BNC2: variants seen among roughly 807,000 people sequenced by gnomAD.
BNC2 encodes zinc finger protein basonuclin-2.
Under a neutral mutation model 76.3 loss-of-function variants are expected in BNC2, and 20 were observed. The ratio of observed to expected loss-of-function variants is 0.26; its 90% CI spans 0.18 to 0.38. The LOEUF is 0.38. BNC2 is among the 10% of genes least tolerant of loss of function. The pLI is 1.00. For missense variants in BNC2, 1,382 were observed against 1,399.8 expected (o/e 0.99, Z 0.20); for synonymous variants, 582 against 514.8 (o/e 1.13, Z -1.77).
chr9:16,771,781 CTAAATGA>C (rs1322620189), intron 1 of BNC2, among the ~76,000 whole-genome samples: 58 of 152,260 alleles, frequency 3.8e-4, no homozygotes, highest in Non-Finnish European at 7.5e-4. Flanking sequence ...GCATCTTTTG[CTAAATGA>C]CAGATAAACT....
intron 5 of BNC2, among the ~76,000 whole-genome samples, chr9:16,516,949 T>G (rs1235576325): frequency 6.6e-6 from 1 of 152,244 alleles, no homozygotes; most frequent in African/African-American, 2.4e-5. Flanking sequence ...TCAGTTGCAC[T>G]GTGACACAAC....
At chr9:16,459,784 CAACA>C (rs980338733) in intron 5 of BNC2, among the ~76,000 whole-genome samples, 2 of 151,988 alleles carry the variant, frequency 1.3e-5, no homozygotes, top group African/African-American at 2.4e-5. Context: ...TGCACCTTAT[CAACA>C]AATAAAAAGA....
At position 16,539,077 on chromosome 9, in the gene BNC2, C is replaced by T. The variant is rs1587144729; in HGVS notation, c.669+13453G>A. ...TGTGTTTACCACTTATAATATACCA[C>T]TTCCACTAAATTGAAAGCTGTAACA... On this transcript the variant is annotated intron_variant, in intron 5 of 6. Transcript: ENST00000380672. 2.6e-5 allele frequency among the ~76,000 whole-genome samples: 4 copies of T among 152,230 alleles called. No individual in the cohort carries two copies. In the South Asian group the frequency reaches 8.3e-4, roughly 32 times the overall value.
At chr9:16,661,274 A>G (rs569102904) in intron 3 of BNC2, among the ~76,000 whole-genome samples, 1 of 152,302 alleles carries the variant, frequency 6.6e-6, no homozygotes, top group Admixed American at 6.5e-5. Flanking sequence ...AAGTCTTACT[A>G]TAGCTAGTCC....
intron 5 of BNC2, among the ~76,000 whole-genome samples, chr9:16,543,257 T>C (rs1358681398): frequency 3.9e-5 from 6 of 152,166 alleles, no homozygotes; most frequent in Admixed American, 1.3e-4. Flanking sequence ...GAAGGCACCA[T>C]CAAGAAAATA....
intron 1 of BNC2, among the ~76,000 whole-genome samples, chr9:16,825,241 C>T (rs1818426853): frequency 6.6e-6 from 1 of 152,122 alleles, no homozygotes; most frequent in South Asian, 2.1e-4. Context: ...TTATTTTCTA[C>T]TCATCAACCG....
chr9:16,719,507 T>C (rs1312456346), intron 3 of BNC2, among the ~76,000 whole-genome samples: 1 of 152,200 alleles, frequency 6.6e-6, no homozygotes, highest in Non-Finnish European at 1.5e-5. Flanking sequence ...GATCATAAAA[T>C]GTGAGTTCTG....
chr9:16,869,152 T>C (rs188283119), intron 1 of BNC2, among the ~76,000 whole-genome samples: 13 of 152,214 alleles, frequency 8.5e-5, no homozygotes, highest in Admixed American at 3.9e-4. Flanking sequence ...TAAACAGATA[T>C]ATTTAATATT....
intron 1 of BNC2, among the ~76,000 whole-genome samples, chr9:16,852,469 G>A (rs1051185150): frequency 6.6e-6 from 1 of 152,090 alleles, no homozygotes; most frequent in African/African-American, 2.4e-5. Flanking sequence ...ATATTCACAA[G>A]GACAATCATA....
intron 1 of BNC2, among the ~76,000 whole-genome samples, chr9:16,835,011 T>G (rs1818668881): frequency 6.6e-6 from 1 of 152,176 alleles, no homozygotes; most frequent in South Asian, 2.1e-4. Context: ...TTAAGAAAAG[T>G]CTAGTCAGCG....
intron 3 of BNC2, chr9:16,665,116 C>T (rs768241987): frequency 4.4e-6 from 2 of 454,906 alleles, no homozygotes; most frequent in Non-Finnish European, 8.8e-6. Flanking sequence ...CGCCTGTAAT[C>T]CCAGCACTTT....
At chr9:16,536,495 A>G (rs1290666179) in intron 5 of BNC2, among the ~76,000 whole-genome samples, 1 of 152,212 alleles carries the variant, frequency 6.6e-6, no homozygotes, top group Non-Finnish European at 1.5e-5. Flanking sequence ...TAAGACTCAC[A>G]AAAACACAGC....
Position 16,419,365 on chromosome 9 carries a change from T to C in BNC2, c.2924A>G (p.His975Arg). Reference sequence around the variant, plus strand: ...GCCTGCGTCGGATTCTCTGGAGGAATGGATACTGCTGCTGGACTGGAGGCT... The same window carrying C: ...GCCTGCGTCGGATTCTCTGGAGGAACGGATACTGCTGCTGGACTGGAGGCT... ...TSSLQSSSSI[H>R]SSRESDAGSD... The change falls in exon 7 of 7, where the codon CAT becomes CGT. Residue 975 changes from histidine (H) to arginine (R), a missense_variant. Transcript: ENST00000380672. 1 of 1,607,202 alleles carries C rather than the reference T, an allele frequency of 6.2e-7. No individual in the cohort carries two copies. Among genetic ancestry groups the C allele is most frequent in the Non-Finnish European group, 8.5e-7 (1 of 1,176,026 alleles).
intron 2 of BNC2, 98 bp from the exon 3 acceptor site, chr9:16,728,095 AG>A: frequency 2.1e-6 from 1 of 481,364 alleles, no homozygotes; most frequent in Non-Finnish European, 3.8e-6. Flanking sequence ...TCATTTGGGA[AG>A]GGGGAGATTT....
chr9:16,782,904 C>T (rs969355962), intron 1 of BNC2, among the ~76,000 whole-genome samples: 1 of 152,174 alleles, frequency 6.6e-6, no homozygotes, highest in Non-Finnish European at 1.5e-5. Context: ...GAATAGTCTA[C>T]CTTAGAAGCT....
intron 1 of BNC2, among the ~76,000 whole-genome samples, chr9:16,769,535 G>A (rs527609228): frequency 1.3e-5 from 2 of 152,270 alleles, no homozygotes; most frequent in East Asian, 3.9e-4. Flanking sequence ...GAGAGCCAAC[G>A]GAAAGGAGAG....
intron 3 of BNC2, among the ~76,000 whole-genome samples, chr9:16,603,205 T>TTA: frequency 6.6e-6 from 1 of 152,188 alleles, no homozygotes; most frequent in Non-Finnish European, 1.5e-5. Flanking sequence ...AACAGAAATG[T>TTA]TCACACACTA....
chr9:16,863,837 G>C (rs190340219), intron 1 of BNC2, among the ~76,000 whole-genome samples: 4 of 152,226 alleles, frequency 2.6e-5, no homozygotes, highest in Admixed American at 2.0e-4. Context: ...AACCCCAAAA[G>C]AGTTTGGAAA....
chr9:16,869,288 T>C (rs1228826379), intron 1 of BNC2, among the ~76,000 whole-genome samples: 4 of 152,218 alleles, frequency 2.6e-5, no homozygotes, highest in Non-Finnish European at 5.9e-5. Flanking sequence ...TGATGTCTTT[T>C]GTACGTCAGT....
Sources: allele counts gnomAD v4.1 joint callset (sites outside exome capture counted in the v4.1 genomes callset), GRCh38; gene constraint gnomAD v4.1.1; transcripts MANE v1.5; gene names NCBI Gene and HGNC (gene_info 2026-07-23, HGNC 2026-07-21).